The following SLC22A4 variants were observed in gnomAD, a reference collection of about 807,000 sequenced individuals.
SLC22A4 encodes the protein solute carrier family 22 member 4, also known as ET transporter.
A neutral mutation model predicts 56.6 loss-of-function variants in SLC22A4; 39 were observed. The observed-to-expected ratio is 0.69, with a 90% CI of 0.53 to 0.90. The LOEUF (loss-of-function observed/expected upper bound fraction) is 0.90. Among genes scored for constraint, SLC22A4 ranks in the 40% least tolerant of loss-of-function variants. The pLI is 0.00. For synonymous variants in SLC22A4, 241 were observed against 281.4 expected, an observed-to-expected ratio of 0.86 and a Z score of 1.44; for missense variants, 594 against 696.5, an observed-to-expected ratio of 0.85 and a Z score of 1.66.
At position 132,312,063 on chromosome 5, in the gene SLC22A4, G is replaced by A. The variant is rs1000325348; in HGVS notation, c.394-98G>A. 8.6e-6 allele frequency: 7 copies of A among 810,074 alleles called. No individual in the cohort carries two copies. In the South Asian group the frequency reaches 9.3e-5, roughly 11 times the overall value. The allele number at this position is 810,074 out of a possible 1,614,324, so 50.2% of individuals were successfully genotyped here. A position where few individuals can be genotyped will look rare whatever the true frequency, so the allele number is the denominator to read the frequency against. ...CAATATCCTGGCCCAGGGGAGGAGA[G>A]TCTGCCCGCCAGCCGTGCTAATATT... On this transcript the variant is annotated intron_variant, in intron 1 of 9. Coordinates refer to ENST00000200652, the MANE Select transcript of SLC22A4 (RefSeq NM_003059.3).
chr5:132,313,499 A>G, intron 2 of SLC22A4, 115 bp from the exon 3 acceptor site: 1 of 927,602 alleles, frequency 1.1e-6, no homozygotes, highest in Non-Finnish European at 1.8e-6. Context: ...ACAGAGAAAA[A>G]AGTCTGCCAG....
chr5:132,299,955 G>C (rs1192984805), intron 1 of SLC22A4, among the ~76,000 whole-genome samples: 3 of 152,130 alleles, frequency 2.0e-5, no homozygotes, highest in Non-Finnish European at 2.9e-5. Flanking sequence ...GATTTCACCA[G>C]TTTTTCTACT....
intron 9 of SLC22A4, among the ~76,000 whole-genome samples, chr5:132,342,524 A>G (rs554368221): frequency 2.0e-5 from 3 of 152,338 alleles, no homozygotes; most frequent in Admixed American, 1.3e-4. Context: ...TAAATTTAGC[A>G]TCAGACTCCA....
rs1561538688 is a variant in SLC22A4, at chr5:132,313,702, T to G, written c.586T>G (p.Phe196Val). The G allele has an allele frequency of 6.2e-7, 1 of 1,614,180 alleles. No individual in the cohort carries two copies. Among genetic ancestry groups the G allele is most frequent in the African/African-American group, 1.3e-5 (1 of 75,048 alleles). ...GATTTTCTCCATCAGCTGGGAGATG[T>G]TCACTGTGTTATTTGTCATCGTGGG... is the stretch of plus-strand genomic sequence containing the variant. ...LQIFSISWEM[F>V]TVLFVIVGMG... is the part of the protein sequence containing the mutation. The change falls in exon 3 of 10, where the codon TTC becomes GTC. Residue 196 changes from phenylalanine to valine, a missense_variant. Coordinates refer to ENST00000200652, the MANE Select transcript of SLC22A4 (RefSeq NM_003059.3).
rs1749726930 is a variant in SLC22A4 at position 132,294,503 on chromosome 5, G to C, written c.-114G>C. 2 of 1,464,638 alleles carry C rather than the reference G, an allele frequency of 1.4e-6. No individual in the cohort carries two copies. Among genetic ancestry groups the C allele is most frequent in the Non-Finnish European group, 1.9e-6 (2 of 1,063,286 alleles). The allele number at this position is 1,464,638 out of a possible 1,614,324, so 90.7% of individuals were successfully genotyped here. On this transcript the variant is annotated 5_prime_UTR_variant, in exon 1 of 10. Transcript: ENST00000200652. This position sits in a 1 kb window ranked among gnomAD's most constrained non-coding sequence, Gnocchi z 5.6. Reference sequence around the variant, plus strand: ...TTCGCGCCCCAATTTCTAACAGCCTGCCTGTCCCCCGGGAACGTTCTAACA... The same window carrying C: ...TTCGCGCCCCAATTTCTAACAGCCTCCCTGTCCCCCGGGAACGTTCTAACA...
intron 4 of SLC22A4, chr5:132,324,385 T>A (rs991442229): frequency 2.5e-6 from 1 of 395,754 alleles, no homozygotes; most frequent in Non-Finnish European, 5.2e-6. Flanking sequence ...CCTCCAGAGT[T>A]TCCAGCAGAG....
At chr5:132,329,784 A>G (rs981772039) in intron 5 of SLC22A4, among the ~76,000 whole-genome samples, 4 of 152,186 alleles carry the variant, frequency 2.6e-5, no homozygotes, top group African/African-American at 9.7e-5. Flanking sequence ...AGGGACAACC[A>G]CTGGATACAA....
chr5:132,303,741 C>T (rs1749958669), intron 1 of SLC22A4, among the ~76,000 whole-genome samples: 1 of 152,210 alleles, frequency 6.6e-6, no homozygotes. Flanking sequence ...CTTATCCCAG[C>T]TCATTCATAC....
intron 5 of SLC22A4, 58 bp from the exon 6 acceptor site, chr5:132,331,698 A>G: frequency 8.1e-7 from 1 of 1,235,994 alleles, no homozygotes; most frequent in South Asian, 1.2e-5. Context: ...CATCATAGCC[A>G]AAGATACTTC....
chr5:132,316,263 GTCGT>G (rs1252150373), intron 3 of SLC22A4, among the ~76,000 whole-genome samples: 1 of 152,174 alleles, frequency 6.6e-6, no homozygotes, highest in African/African-American at 2.4e-5. Flanking sequence ...GGCTGCCACA[GTCGT>G]AGCAGACTAG....
chr5:132,323,885 A>T (rs1364598505), intron 4 of SLC22A4, among the ~76,000 whole-genome samples: 4 of 152,178 alleles, frequency 2.6e-5, no homozygotes. Flanking sequence ...GACCTAAGAG[A>T]CCAGTACTTT....
chr5:132,337,972 T>A (rs1751078303), intron 8 of SLC22A4, among the ~76,000 whole-genome samples: 1 of 151,592 alleles, frequency 6.6e-6, no homozygotes, highest in African/African-American at 2.4e-5. Flanking sequence ...CTCAAACCCC[T>A]GACCTCAGGT....
At chr5:132,336,791 A>G (rs76844697) in intron 8 of SLC22A4, among the ~76,000 whole-genome samples, 1,695 of 152,108 alleles carry the variant, frequency 0.011, 13 homozygotes, top group Non-Finnish European at 0.014. Flanking sequence ...TTATATATAT[A>G]TGTGTGTGTG....
intron 1 of SLC22A4, among the ~76,000 whole-genome samples, chr5:132,299,013 G>T (rs1749843864): frequency 6.6e-6 from 1 of 152,228 alleles, no homozygotes; most frequent in Admixed American, 6.5e-5. Context: ...CAAGCCCAGG[G>T]CCCCTGAGAA....
chr5:132,311,737 A>G (rs1227122897), intron 1 of SLC22A4: 1 of 222,400 alleles, frequency 4.5e-6, no homozygotes, highest in Non-Finnish European at 9.1e-6. Flanking sequence ...CCAAGTGGCC[A>G]TGCCCTCTGC....
At chr5:132,302,412 C>T (rs1325308266) in intron 1 of SLC22A4, among the ~76,000 whole-genome samples, 4 of 152,110 alleles carry the variant, frequency 2.6e-5, no homozygotes, top group African/African-American at 9.7e-5. Context: ...AGGTGTAAGA[C>T]TAATACAGGT....
At chr5:132,328,903 G>GTGTATATATA (rs1180080096) in intron 5 of SLC22A4, among the ~76,000 whole-genome samples, 5 of 96,454 alleles carry the variant, frequency 5.2e-5, no homozygotes, top group African/African-American at 2.5e-4. Flanking sequence ...GTGTGTATGT[G>GTGTATATATA]TATATATATA....
intron 5 of SLC22A4, among the ~76,000 whole-genome samples, chr5:132,328,664 A>T (rs553538035): frequency 3.9e-5 from 6 of 152,270 alleles, no homozygotes; most frequent in African/African-American, 1.4e-4. Flanking sequence ...ATCGGTATTT[A>T]TCAGCTAGGT....
At position 132,294,783 on chromosome 5, in the gene SLC22A4, C is replaced by T. The variant is rs1245940397; in HGVS notation, c.167C>T (p.Ala56Val). The T allele has an allele frequency of 6.2e-7, 1 of 1,613,362 alleles. No homozygotes were observed. The highest frequency in any genetic ancestry group is 1.7e-5 in the Admixed American group (1 of 60,018). ...CACCGCTGTCGAGTGCCGGACGCCG[C>T]GAACCTGAGCAGCGCCTGGCGCAAC... is the stretch of plus-strand genomic sequence containing the variant. ...PEHRCRVPDA[A>V]NLSSAWRNNS... Residue 56 changes from alanine (A) to valine (V), a missense_variant, in exon 1 of 10, where the codon GCG (alanine) becomes GTG (valine). By Grantham distance (64) the Ala-to-Val change is moderately conservative (BLOSUM62 0). Transcript: ENST00000200652. This position sits in a 1 kb window ranked among gnomAD's most constrained non-coding sequence, Gnocchi z 5.6.
Sources: gnomAD v4.1 joint callset for allele counts (sites outside exome capture counted in the v4.1 genomes callset) on GRCh38, gnomAD v4.1.1 for gene constraint, Gnocchi (gnomAD v3.1) non-coding constraint, MANE v1.5 for transcripts, NCBI Gene and HGNC (gene_info 2026-07-23, HGNC 2026-07-21) for gene names.